The following FANK1 variants were observed in gnomAD, a reference collection of about 807,000 sequenced individuals.
FANK1 encodes the protein fibronectin type 3 and ankyrin repeat domains protein 1.
A neutral mutation model predicts 45.3 loss-of-function variants in FANK1; 44 were observed. The ratio of observed to expected loss-of-function variants is 0.97; its 90% CI spans 0.76 to 1.25. The LOEUF (loss-of-function observed/expected upper bound fraction) is 1.25. FANK1 is among the 50% of genes most tolerant of loss of function. The pLI is 0.00. For missense variants in FANK1, 391 were observed against 424.4 expected (o/e 0.92, Z 0.69); for synonymous variants, 149 against 152.5 (o/e 0.98, Z 0.17).
At chr10:125,958,701 T>C (rs1564913934) in intron 1 of FANK1, among the ~76,000 whole-genome samples, 1 of 152,254 alleles carries the variant, frequency 6.6e-6, no homozygotes, top group African/African-American at 2.4e-5. Flanking sequence ...GATACCTCAC[T>C]GTGATTTAGA....
chr10:125,897,608 C>T (rs1384227124), intron 1 of FANK1, among the ~76,000 whole-genome samples: 10 of 152,248 alleles, frequency 6.6e-5, no homozygotes, highest in African/African-American at 2.4e-4. Flanking sequence ...TCGTTTTCCA[C>T]CAAGAAAGTT....
intron 2 of FANK1, among the ~76,000 whole-genome samples, chr10:125,981,309 A>T (rs542245372): frequency 2.4e-4 from 36 of 152,222 alleles, no homozygotes; most frequent in African/African-American, 8.4e-4. Context: ...GATGTTCAAG[A>T]CCAGCCTAGG....
At chr10:125,970,311 C>T (rs538895088) in intron 1 of FANK1, among the ~76,000 whole-genome samples, 107 of 150,640 alleles carry the variant, frequency 7.1e-4, no homozygotes, top group African/African-American at 2.4e-3. Flanking sequence ...CCAGACGGGG[C>T]GGCGGCCGGG....
At chr10:125,949,406 A>G (rs554119746) in intron 1 of FANK1, among the ~76,000 whole-genome samples, 153 of 152,270 alleles carry the variant, frequency 1.0e-3, no homozygotes, top group South Asian at 1.0e-2. Context: ...AAGCTGATAA[A>G]CAACTTCAGC....
At chr10:125,925,724 A>G (rs1215969211) in intron 1 of FANK1, among the ~76,000 whole-genome samples, 1 of 151,482 alleles carries the variant, frequency 6.6e-6, no homozygotes, top group African/African-American at 2.5e-5. Context: ...AATACCTTTT[A>G]AAATCATTCA....
At chr10:125,969,207 C>A (rs1278035648) in intron 1 of FANK1, among the ~76,000 whole-genome samples, 1 of 148,858 alleles carries the variant, frequency 6.7e-6, no homozygotes, top group Non-Finnish European at 1.5e-5. Flanking sequence ...ATAAGGTCTC[C>A]TTTTTCTTTT....
rs547593481 is a variant in FANK1, at chr10:125,945,555, C to T, written c.14-34606C>T. On this transcript the variant is annotated intron_variant, in intron 1 of 10. Coordinates refer to ENST00000368693, the MANE Select transcript of FANK1 (RefSeq NM_145235.5). Reference sequence around the variant, plus strand: ...GTGCTTTTCAGACCGGCTTAAAAAACGGCGAACCACGAGATTATATCCCAC... The same window carrying T: ...GTGCTTTTCAGACCGGCTTAAAAAATGGCGAACCACGAGATTATATCCCAC... Among the ~76,000 whole-genome samples, 335 of 152,308 alleles carry T rather than the reference C, an allele frequency of 2.2e-3. 3 individuals carry two copies. Among genetic ancestry groups the T allele is most frequent in the Middle Eastern group, 0.02 (6 of 294 alleles).
At chr10:125,985,476 A>T (rs561890914) in intron 2 of FANK1, among the ~76,000 whole-genome samples, 4 of 152,144 alleles carry the variant, frequency 2.6e-5, no homozygotes, top group African/African-American at 7.2e-5. Flanking sequence ...CTGAATATTT[A>T]TCTTGGTTTT....
chr10:126,007,095 T>G (rs895039118), intron 7 of FANK1: 1 of 152,186 alleles, frequency 6.6e-6, no homozygotes, highest in Non-Finnish European at 1.5e-5. Context: ...TCAACATGAG[T>G]CTTTCCATAT....
intron 1 of FANK1, among the ~76,000 whole-genome samples, chr10:125,924,469 G>A (rs558745528): frequency 5.3e-5 from 8 of 151,938 alleles, no homozygotes; most frequent in African/African-American, 1.9e-4. Context: ...GGGCAGGATG[G>A]TCTCGATCTC....
chr10:125,984,300 A>G lies in FANK1; in HGVS notation c.191+3962A>G, dbSNP rs370113796. 2.7e-4 allele frequency among the ~76,000 whole-genome samples: 41 copies of G among 152,340 alleles called. No homozygotes were observed. In the South Asian group the frequency reaches 8.1e-3, roughly 30 times the overall value. The stretch of plus-strand genomic sequence containing the variant: ...ACTGTAGCAGGGGAGAGAGCATGGC[A>G]TGCTGTTTCTTGAAGCTTCTGCCCA... On this transcript the variant is annotated intron_variant, in intron 2 of 10. Transcript: ENST00000368693.
chr10:125,949,625 A>G (rs1949062059), intron 1 of FANK1, among the ~76,000 whole-genome samples: 1 of 138,106 alleles, frequency 7.2e-6, no homozygotes, highest in Admixed American at 7.2e-5. Context: ...GGATACAAAC[A>G]AATGGAAGAA....
chr10:125,942,458 GT>G (rs1380485468), intron 1 of FANK1, among the ~76,000 whole-genome samples: 1 of 152,132 alleles, frequency 6.6e-6, no homozygotes, highest in African/African-American at 2.4e-5. Flanking sequence ...CAATTTTAGA[GT>G]TTTTTCCCCA....
chr10:125,934,722 CCGTTT>C (rs1220427704), intron 1 of FANK1, among the ~76,000 whole-genome samples: 3 of 123,018 alleles, frequency 2.4e-5, no homozygotes, highest in African/African-American at 6.3e-5. Context: ...TGTACCCCTA[CCGTTT>C]TTTTTTTTTT....
At chr10:126,007,690 C>T (rs77837003) in intron 7 of FANK1, among the ~76,000 whole-genome samples, 2 of 138,370 alleles carry the variant, frequency 1.4e-5, no homozygotes, top group African/African-American at 2.6e-5. Context: ...CGTGTGTGCA[C>T]ACACGAGTGT....
At chr10:125,903,977 G>A (rs112191376) in intron 1 of FANK1, among the ~76,000 whole-genome samples, 2,758 of 152,058 alleles carry the variant, frequency 0.018, 85 homozygotes, top group African/African-American at 0.062. Flanking sequence ...AGCCTCCCGC[G>A]TAGCTGGGAC....
intron 1 of FANK1, among the ~76,000 whole-genome samples, chr10:125,978,808 G>T (rs192558322): frequency 6.6e-6 from 1 of 152,170 alleles, no homozygotes; most frequent in Non-Finnish European, 1.5e-5. Context: ...GTCTTATCTC[G>T]TGAGGTGCAG....
intron 1 of FANK1, among the ~76,000 whole-genome samples, chr10:125,929,378 T>C (rs1947598530): frequency 6.6e-6 from 1 of 152,100 alleles, no homozygotes; most frequent in Non-Finnish European, 1.5e-5. Context: ...AGGAGTCTGG[T>C]TAATGTAGAT....
chr10:125,924,780 C>T (rs1354916986), intron 1 of FANK1, among the ~76,000 whole-genome samples: 15 of 133,646 alleles, frequency 1.1e-4, no homozygotes, highest in Non-Finnish European at 1.4e-4. Context: ...GCACTCCAGC[C>T]TGGGTGACAG....
Sources: allele counts gnomAD v4.1 joint callset (sites outside exome capture counted in the v4.1 genomes callset), GRCh38; gene constraint gnomAD v4.1.1; transcripts MANE v1.5; gene names NCBI Gene and HGNC (gene_info 2026-07-23, HGNC 2026-07-21).